The following SLC8A3 variants were observed in gnomAD, a reference collection of about 807,000 sequenced individuals.
SLC8A3 encodes sodium/calcium exchanger 3.
Under a neutral mutation model 65.4 loss-of-function variants are expected in SLC8A3, and 37 were observed. The ratio of observed to expected loss-of-function variants is 0.57; its 90% CI spans 0.44 to 0.74. The LOEUF (loss-of-function observed/expected upper bound fraction) is 0.74. Among genes scored for constraint, SLC8A3 ranks in the 30% least tolerant of loss-of-function variants. The pLI is 0.00. For missense variants in SLC8A3, 1,112 were observed against 1,172.1 expected (o/e 0.95, Z 0.75); for synonymous variants, 461 against 444.5 (o/e 1.04, Z -0.47).
intron 2 of SLC8A3, among the ~76,000 whole-genome samples, chr14:70,114,338 T>C (rs1893514513): frequency 1.3e-5 from 2 of 152,158 alleles, no homozygotes; most frequent in African/African-American, 4.8e-5. Flanking sequence ...GGGAAGTAAC[T>C]TGATCAAGGA....
At chr14:70,164,106 G>A (rs960396140) in intron 2 of SLC8A3, among the ~76,000 whole-genome samples, 3 of 152,052 alleles carry the variant, frequency 2.0e-5, no homozygotes, top group Non-Finnish European at 4.4e-5. Flanking sequence ...CCGTGTACCA[G>A]GTACACCGCA....
At chr14:70,085,529 C>T (rs1316919790) in intron 2 of SLC8A3, among the ~76,000 whole-genome samples, 3 of 152,164 alleles carry the variant, frequency 2.0e-5, no homozygotes, top group East Asian at 3.8e-4. Context: ...TGCAATGACC[C>T]ACATTGACTG....
intron 3 of SLC8A3, among the ~76,000 whole-genome samples, chr14:70,053,903 G>A (rs965672175): frequency 7.2e-5 from 11 of 151,962 alleles, no homozygotes; most frequent in African/African-American, 2.7e-4. Flanking sequence ...TTCTATTTTT[G>A]TCATGATCTT....
intron 2 of SLC8A3, among the ~76,000 whole-genome samples, chr14:70,128,734 C>A (rs1330169393): frequency 6.6e-6 from 1 of 152,176 alleles, no homozygotes; most frequent in Non-Finnish European, 1.5e-5. Context: ...ATGGATCAGG[C>A]CTCAAGTTGT....
chr14:70,083,052 G>A (rs1891171709), intron 2 of SLC8A3, among the ~76,000 whole-genome samples: 1 of 152,146 alleles, frequency 6.6e-6, no homozygotes, highest in Non-Finnish European at 1.5e-5. Context: ...ATGGTCCAAA[G>A]GAAGGTGGCC....
chr14:70,139,086 G>A (rs1895402749), intron 2 of SLC8A3, among the ~76,000 whole-genome samples: 1 of 152,184 alleles, frequency 6.6e-6, no homozygotes, highest in African/African-American at 2.4e-5. Context: ...GCCAGCAGTT[G>A]AGGATAGACA....
chr14:70,146,833 T>A (rs1482366819), intron 2 of SLC8A3, among the ~76,000 whole-genome samples: 1 of 152,204 alleles, frequency 6.6e-6, no homozygotes, highest in Non-Finnish European at 1.5e-5. Context: ...AAGGCTGGGA[T>A]GTGCCTGAGG....
At position 70,095,884 on chromosome 14, in the gene SLC8A3, CT is replaced by C. The variant is rs546594935; in HGVS notation, c.1785-34946del. 1.4e-3 allele frequency among the ~76,000 whole-genome samples: 204 copies of C among 148,268 alleles called. 3 individuals carry two copies. In the South Asian group the frequency reaches 0.024, roughly 18 times the overall value. The stretch of plus-strand genomic sequence containing the variant: ...AGTTCTACACATACCCATATATCTT[CT>C]TTTTTTTTTTCGTTGAGGTGGAATC... On this transcript the variant is annotated intron_variant, in intron 2 of 6. Transcript: ENST00000356921.
At chr14:70,174,662 GTTTTTTTTTTTTTTTTTT>G (rs10527244) in intron 1 of SLC8A3, among the ~76,000 whole-genome samples, 2 of 66,516 alleles carry the variant, frequency 3.0e-5, no homozygotes, top group Non-Finnish European at 6.3e-5. Context: ...TTTTTTTTTT[GTTTTTTTTTTTTTTTTTT>G]TTTTTTTTTT....
At chr14:70,088,530 A>G (rs1225617237) in intron 2 of SLC8A3, among the ~76,000 whole-genome samples, 5 of 152,256 alleles carry the variant, frequency 3.3e-5, no homozygotes, top group East Asian at 1.9e-4. Flanking sequence ...GACCTGGCTC[A>G]TAGGTTTCCT....
chr14:70,062,234 C>T (rs35539654), intron 2 of SLC8A3, among the ~76,000 whole-genome samples: 29,921 of 152,014 alleles, frequency 0.2, 3,182 homozygotes, highest in African/African-American at 0.28. Context: ...TGGGCGTGCT[C>T]GGCTTTGCCA....
chr14:70,115,876 A>C (rs1483547011), intron 2 of SLC8A3, among the ~76,000 whole-genome samples: 6 of 152,226 alleles, frequency 3.9e-5, no homozygotes. Flanking sequence ...AAACACCTGT[A>C]GATTTCTAGA....
At chr14:70,186,919 C>G (rs927405666) in intron 1 of SLC8A3, among the ~76,000 whole-genome samples, 1 of 152,220 alleles carries the variant, frequency 6.6e-6, no homozygotes, top group African/African-American at 2.4e-5. Context: ...ATTTGAAAAT[C>G]GAGGTAAACA....
At position 70,174,662 on chromosome 14, in the gene SLC8A3, GTTTTTTT is replaced by G. The variant is rs10527244; in HGVS notation, c.-62-6185_-62-6179del. On this transcript the variant is annotated intron_variant, in intron 1 of 6. Coordinates refer to ENST00000356921, the MANE Select transcript of SLC8A3 (RefSeq NM_182932.3). ...CTTGGACCAAATCCGTTTTTTTTTT[GTTTTTTT>G]TTTTTTTTTTTTTTTTTTTTTGCCT... Among the ~76,000 whole-genome samples the G allele has an allele frequency of 2.9e-4, 19 of 66,518 alleles. 1 individual carries two copies. In the East Asian group the frequency reaches 4.8e-3, roughly 17 times the overall value. The allele number at this position is 66,518 out of a possible 152,430, so 43.6% of individuals were successfully genotyped here.
rs1352669620 is a variant in SLC8A3, at chr14:70,109,327, C to CACATTATATATATAT, written c.1785-48389_1785-48388insATATATATATAATGT. On this transcript the variant is annotated intron_variant, in intron 2 of 6. Transcript: ENST00000356921. ...TATATATATACACATTATATATATACACACACACATATATATACATATAAA... is the reference window on the plus strand; with the variant it reads ...TATATATATACACATTATATATATACACATTATATATATATACACACACATATATATACATATAAA... 1.3e-3 allele frequency among the ~76,000 whole-genome samples: 192 copies of CACATTATATATATAT among 148,172 alleles called. 1 individual carries two copies. The highest frequency in any genetic ancestry group is 3.3e-3 in the East Asian group (17 of 5,094).
chr14:70,111,052 C>A (rs148574481), intron 2 of SLC8A3, among the ~76,000 whole-genome samples: 1 of 152,134 alleles, frequency 6.6e-6, no homozygotes, highest in East Asian at 1.9e-4. Flanking sequence ...GTGGATCACA[C>A]GGTAGCTCAA....
At position 70,080,157 on chromosome 14, in the gene SLC8A3, T is replaced by C. The variant is rs532224186; in HGVS notation, c.1785-19218A>G. 24 of 985,476 alleles carry C rather than the reference T, an allele frequency of 2.4e-5. No homozygotes were observed. In the African/African-American group the frequency reaches 3.7e-4, roughly 15 times the overall value. The allele number at this position is 985,476 out of a possible 1,614,324, so 61.0% of individuals were successfully genotyped here. A position where few individuals can be genotyped will look rare whatever the true frequency, so the allele number is the denominator to read the frequency against. On this transcript the variant is annotated intron_variant, in intron 2 of 6. Coordinates refer to ENST00000356921, the MANE Select transcript of SLC8A3 (RefSeq NM_182932.3). ...CTGCCAGTTATCGTCTGGATGCCTC[T>C]AGCTGTCATTCCCTAGGTTTTCGGC...
chr14:70,165,371 T>C (rs1370315797), intron 2 of SLC8A3, among the ~76,000 whole-genome samples: 2 of 152,300 alleles, frequency 1.3e-5, no homozygotes, highest in African/African-American at 2.4e-5. Flanking sequence ...CTAGCTTCTA[T>C]GGCTCCCCAC....
chr14:70,153,449 G>T (rs1294491817), intron 2 of SLC8A3, among the ~76,000 whole-genome samples: 1 of 152,122 alleles, frequency 6.6e-6, no homozygotes, highest in African/African-American at 2.4e-5. Context: ...ATTGACTGGA[G>T]GAGGGGGTTG....
Sources: gnomAD v4.1 joint callset for allele counts (sites outside exome capture counted in the v4.1 genomes callset) on GRCh38, gnomAD v4.1.1 for gene constraint, MANE v1.5 for transcripts, NCBI Gene and HGNC (gene_info 2026-07-23, HGNC 2026-07-21) for gene names.